Variants in FUBP3 observed in about 807,000 individuals in gnomAD.
FUBP3 encodes far upstream element-binding protein 3.
FUBP3 carries 28 observed loss-of-function variants against 85.6 expected under a neutral mutation model. The observed-to-expected ratio is 0.33, with a 90% CI of 0.24 to 0.45. The LOEUF (loss-of-function observed/expected upper bound fraction) is 0.45. Among genes scored for constraint, FUBP3 ranks in the 20% least tolerant of loss-of-function variants. FUBP3 has a pLI of 1.00. For missense variants in FUBP3, 583 were observed against 755.1 expected, an observed-to-expected ratio of 0.77 and a Z score of 2.67; for synonymous variants, 271 against 271.4, an observed-to-expected ratio of 1.00 and a Z score of 0.01.
At chr9:130,590,347 G>T (rs887149232) in intron 1 of FUBP3, among the ~76,000 whole-genome samples, 15 of 152,264 alleles carry the variant, frequency 9.9e-5, no homozygotes, top group African/African-American at 3.6e-4. Context: ...TGGAAAATCA[G>T]GACTGTTGAC....
intron 1 of FUBP3, among the ~76,000 whole-genome samples, chr9:130,589,529 A>T (rs1042064244): frequency 1.3e-5 from 2 of 150,618 alleles, no homozygotes; most frequent in African/African-American, 2.4e-5. Context: ...TTTTTAGTAG[A>T]GACGGGGTTT....
At chr9:130,625,363 G>A (rs919424127) in intron 11 of FUBP3, among the ~76,000 whole-genome samples, 2 of 152,240 alleles carry the variant, frequency 1.3e-5, no homozygotes, top group Non-Finnish European at 2.9e-5. Flanking sequence ...CTTGGCAGTT[G>A]TCTCATAAGA....
chr9:130,587,066 T>G (rs940625259), intron 1 of FUBP3, among the ~76,000 whole-genome samples: 17,240 of 128,836 alleles, frequency 0.13, 1,369 homozygotes, highest in East Asian at 0.27. Context: ...TTTTTTTTTT[T>G]TGTTTGTTTG....
chr9:130,630,709 C>A lies in FUBP3; in HGVS notation c.1199C>A (p.Pro400His). 6.3e-7 allele frequency: 1 copy of A among 1,592,794 alleles called. No individual in the cohort carries two copies. The highest frequency in any genetic ancestry group is 8.5e-7 in the Non-Finnish European group (1 of 1,170,802). The change falls in exon 13 of 19, where the codon CCC becomes CAC. Residue 400 changes from proline (P) to histidine (H), a missense_variant. Physicochemically the swap from Pro to His is moderately conservative, Grantham distance 77 (BLOSUM62 -2). Coordinates refer to ENST00000319725, the MANE Select transcript of FUBP3 (RefSeq NM_003934.2). ...AGGAACCCCCCTCCCAACAGCGACC[C>A]CAACCTGCGGAGATTCACCATCAGG... The part of the protein sequence containing the change: ...LQRNPPPNSD[P>H]NLRRFTIRGV...
At chr9:130,636,161 C>T in intron 18 of FUBP3, 35 bp downstream of exon 18, 1 of 1,605,166 alleles carries the variant, frequency 6.2e-7, no homozygotes, top group Non-Finnish European at 8.5e-7. Context: ...CTGCCACTCC[C>T]TAGCCCCGAG....
intron 5 of FUBP3, 66 bp downstream of exon 5, chr9:130,613,093 T>A: frequency 9.9e-7 from 1 of 1,008,042 alleles, no homozygotes; most frequent in South Asian, 1.3e-5. Flanking sequence ...CTTTCCAGAT[T>A]CGGTACTTTG....
chr9:130,605,977 C>G (rs889212831), intron 2 of FUBP3, among the ~76,000 whole-genome samples: 4 of 152,246 alleles, frequency 2.6e-5, no homozygotes, highest in African/African-American at 9.6e-5. Flanking sequence ...GAGCGAGACT[C>G]TGTCTCAAAC....
rs751227575 is a variant in FUBP3 at position 130,636,035 on chromosome 9, C to T, written c.1619C>T (p.Pro540Leu). The change falls in exon 18 of 19, where the codon CCA (proline) becomes CTA (leucine). Residue 540 changes from proline to leucine, a missense_variant. Pro to Leu is a moderately conservative substitution (Grantham distance 98). Coordinates refer to ENST00000319725, the MANE Select transcript of FUBP3 (RefSeq NM_003934.2). Reference sequence around the variant, plus strand: ...AGCGCTGCTCCTCAGGCCAGCTCCCCACCGGACTACACAATGGCCTGGGCA... The same window carrying T: ...AGCGCTGCTCCTCAGGCCAGCTCCCTACCGGACTACACAATGGCCTGGGCA... Reference protein sequence around the residue: ...AASAAPQASSPPDYTMAWAEY... With the variant: ...AASAAPQASSLPDYTMAWAEY... 2 of 1,613,740 alleles carry T rather than the reference C, an allele frequency of 1.2e-6. No individual in the cohort carries two copies. Among genetic ancestry groups the T allele is most frequent in the South Asian group, 1.1e-5 (1 of 91,084 alleles).
chr9:130,635,012 C>T lies in FUBP3; in HGVS notation c.1582+274C>T, dbSNP rs1371546437. Among the ~76,000 whole-genome samples the T allele has an allele frequency of 2.0e-5, 3 of 152,126 alleles. No individual in the cohort carries two copies. Among genetic ancestry groups the T allele is most frequent in the African/African-American group, 7.2e-5 (3 of 41,430 alleles). On this transcript the variant is annotated intron_variant, in intron 17 of 18. Coordinates refer to ENST00000319725, the MANE Select transcript of FUBP3 (RefSeq NM_003934.2). This position sits in a 1 kb window ranked among gnomAD's most constrained non-coding sequence, Gnocchi z 4.3. ...TGGGCTCCAAAGGACTTGAGGTGGG[C>T]GTGGCACCTGGAAGTGTGGGCTCAG...
chr9:130,588,285 C>T (rs1402336305), intron 1 of FUBP3, among the ~76,000 whole-genome samples: 5 of 152,114 alleles, frequency 3.3e-5, no homozygotes, highest in Admixed American at 6.6e-5. Context: ...TTAGTTTTCT[C>T]ATCTGTAATA....
At chr9:130,620,749 G>A (rs1294941505) in intron 9 of FUBP3, among the ~76,000 whole-genome samples, 3 of 152,156 alleles carry the variant, frequency 2.0e-5, no homozygotes, top group Non-Finnish European at 4.4e-5. Context: ...TCTTGGTGAT[G>A]TATATCATGA....
chr9:130,633,504 C>T (rs536675649), intron 16 of FUBP3, among the ~76,000 whole-genome samples: 1 of 152,220 alleles, frequency 6.6e-6, no homozygotes, highest in Non-Finnish European at 1.5e-5. Flanking sequence ...GCGGGTGGAA[C>T]GGGCAGAGGC....
At chr9:130,629,113 C>T (rs1356693443) in intron 12 of FUBP3, among the ~76,000 whole-genome samples, 1 of 152,150 alleles carries the variant, frequency 6.6e-6, no homozygotes, top group Non-Finnish European at 1.5e-5. Flanking sequence ...TGCCTAGGAG[C>T]CTGCTTTTCA....
chr9:130,616,643 G>GCTT lies in FUBP3; in HGVS notation c.567+128_567+130dup, dbSNP rs546043835. On this transcript the variant is annotated intron_variant, in intron 7 of 18. Transcript: ENST00000319725. This position sits in a 1 kb window ranked among gnomAD's most constrained non-coding sequence, Gnocchi z 4.7. ...TGGCTTTGTGCAGCATTGTGCTGAGGCTTCCTTCCTCCATTTGACAGACAG... is the reference window on the plus strand; with the variant it reads ...TGGCTTTGTGCAGCATTGTGCTGAGGCTTCTTCCTTCCTCCATTTGACAGACAG... 327 of 825,628 alleles carry GCTT rather than the reference G, an allele frequency of 4.0e-4. No individual in the cohort carries two copies. The African/African-American group carries it at 5.2e-3, about 13-fold the overall frequency. 51.1% of individuals were successfully genotyped at this position (825,628 alleles called of 1,614,324 possible).
chr9:130,635,906 C>T lies in FUBP3; in HGVS notation c.1583-93C>T, dbSNP rs377656860. The T allele has an allele frequency of 3.7e-4, 491 of 1,338,118 alleles. 9 individuals carry two copies. In the East Asian group the frequency reaches 6.5e-3, roughly 18 times the overall value. 82.9% of individuals were successfully genotyped at this position (1,338,118 alleles called of 1,614,324 possible). A position where few individuals can be genotyped will look rare whatever the true frequency, so the allele number is the denominator to read the frequency against. On this transcript the variant is annotated intron_variant, in intron 17 of 18. Coordinates refer to ENST00000319725, the MANE Select transcript of FUBP3 (RefSeq NM_003934.2). This position sits in a 1 kb window ranked among gnomAD's most constrained non-coding sequence, Gnocchi z 4.3. ...CAGACCTCCCTGCCTTCCAGCCGTC[C>T]GGAGGGAGAGCAGATGCCCAGGGCC... is the stretch of plus-strand genomic sequence containing the variant.
In FUBP3 at chr9:130,636,453, C is replaced by G. The variant is rs200963435; in HGVS notation, c.1710+327C>G. Among the ~76,000 whole-genome samples, 1,065 of 152,372 alleles carry G rather than the reference C, an allele frequency of 7.0e-3. 9 individuals are homozygous for G. The highest frequency in any genetic ancestry group is 0.012 in the Non-Finnish European group (818 of 68,038). On this transcript the variant is annotated intron_variant, in intron 18 of 18. Transcript: ENST00000319725. ...TTCCTCTAAGCCTCAGTTTCCCTAA[C>G]CGTAAAGGAGCAAGTGCAGAGGGTG...
intron 16 of FUBP3, among the ~76,000 whole-genome samples, chr9:130,633,193 A>G (rs536821564): frequency 3.9e-5 from 6 of 152,200 alleles, no homozygotes; most frequent in South Asian, 4.1e-4. Flanking sequence ...TTTGAATTCT[A>G]AAGTACTTGC....
At chr9:130,611,806 A>G (rs1300954068) in intron 3 of FUBP3, among the ~76,000 whole-genome samples, 1 of 94,372 alleles carries the variant, frequency 1.1e-5, no homozygotes, top group Non-Finnish European at 1.9e-5. Context: ...GTAGTAGTTT[A>G]AAAAAAAAAA....
intron 1 of FUBP3, among the ~76,000 whole-genome samples, chr9:130,585,067 C>T (rs139075171): frequency 6.6e-6 from 1 of 151,532 alleles, no homozygotes; most frequent in Non-Finnish European, 1.5e-5. Context: ...GGCTGAACCA[C>T]GATAATTGCT....
Sources: gnomAD v4.1 joint callset for allele counts (sites outside exome capture counted in the v4.1 genomes callset) on GRCh38, gnomAD v4.1.1 for gene constraint, Gnocchi (gnomAD v3.1) non-coding constraint, MANE v1.5 for transcripts, NCBI Gene and HGNC (gene_info 2026-07-23, HGNC 2026-07-21) for gene names.